DOK6: variants seen among roughly 807,000 people sequenced by gnomAD.
The protein encoded by DOK6 is downstream of tyrosine kinase 6.
In DOK6, 22 loss-of-function variants were observed where a neutral mutation model predicts 44.0. The ratio of observed to expected loss-of-function variants is 0.50; its 90% CI spans 0.36 to 0.71. DOK6 has a LOEUF of 0.71. Ranked by LOEUF, DOK6 falls within the 30% of genes least tolerant of loss-of-function variation. The pLI, the probability that DOK6 is intolerant of heterozygous loss-of-function variation, is 0.00. For synonymous variants in DOK6, 166 were observed against 145.5 expected (o/e 1.14, Z -1.01); for missense variants, 340 against 416.4 (o/e 0.82, Z 1.60).
chr18:69,615,257 G>C (rs1056902150), intron 3 of DOK6, among the ~76,000 whole-genome samples: 1 of 152,194 alleles, frequency 6.6e-6, no homozygotes, highest in Non-Finnish European at 1.5e-5. Flanking sequence ...ATGCTGCTTA[G>C]AGTTACATGG....
intron 3 of DOK6, among the ~76,000 whole-genome samples, chr18:69,644,932 G>T (rs1985033335): frequency 2.0e-5 from 3 of 152,150 alleles, no homozygotes; most frequent in Non-Finnish European, 2.9e-5. Context: ...GAATGCTTTG[G>T]AAGGACCAAT....
At chr18:69,536,400 T>C (rs536295461) in intron 1 of DOK6, among the ~76,000 whole-genome samples, 2 of 152,306 alleles carry the variant, frequency 1.3e-5, no homozygotes, top group East Asian at 3.9e-4. Context: ...AAACATATAT[T>C]GTTAAAACTG....
At chr18:69,791,437 A>C (rs1481695674) in intron 7 of DOK6, among the ~76,000 whole-genome samples, 1 of 152,146 alleles carries the variant, frequency 6.6e-6, no homozygotes, top group Non-Finnish European at 1.5e-5. Flanking sequence ...CCTTTGAATA[A>C]AAGCCATTTT....
At chr18:69,751,942 A>G (rs976042364) in intron 6 of DOK6, among the ~76,000 whole-genome samples, 2 of 152,206 alleles carry the variant, frequency 1.3e-5, no homozygotes, top group East Asian at 1.9e-4. Flanking sequence ...TTACAATTAT[A>G]TAATTTTAGG....
At chr18:69,840,938 G>A (rs1357848030) in intron 7 of DOK6, among the ~76,000 whole-genome samples, 2 of 152,186 alleles carry the variant, frequency 1.3e-5, no homozygotes, top group Non-Finnish European at 2.9e-5. Flanking sequence ...AAAAGTTGAA[G>A]AACAGCAGAA....
At chr18:69,508,062 A>G (rs1489739371) in intron 1 of DOK6, among the ~76,000 whole-genome samples, 1 of 152,106 alleles carries the variant, frequency 6.6e-6, no homozygotes, top group Middle Eastern at 3.2e-3. Context: ...GCTTCCTAGT[A>G]TATTTTTTTC....
In DOK6 at chr18:69,655,898, A is replaced by T. The variant is rs1292296542; in HGVS notation, c.290-21836A>T. Among the ~76,000 whole-genome samples the T allele has an allele frequency of 2.7e-5, 4 of 150,620 alleles. No homozygotes were observed. In the East Asian group the frequency reaches 7.7e-4, roughly 29 times the overall value. On this transcript the variant is annotated intron_variant, in intron 3 of 7. Transcript: ENST00000382713. Reference sequence around the variant, plus strand: ...GAAAGAGTAAGAATGTCCACCATACATCCAACATATGTCTGACAGGATTTG... The same window carrying T: ...GAAAGAGTAAGAATGTCCACCATACTTCCAACATATGTCTGACAGGATTTG...
chr18:69,501,513 C>T (rs1329340675), intron 1 of DOK6, among the ~76,000 whole-genome samples: 1 of 152,138 alleles, frequency 6.6e-6, no homozygotes, highest in Non-Finnish European at 1.5e-5. Flanking sequence ...AGGAAGAGCA[C>T]GTACTGAGAG....
At chr18:69,538,821 T>C (rs1251660324) in intron 1 of DOK6, among the ~76,000 whole-genome samples, 5 of 151,892 alleles carry the variant, frequency 3.3e-5, no homozygotes, top group Non-Finnish European at 5.9e-5. Context: ...ACCTTCCTCC[T>C]CCTCCCTTCT....
chr18:69,531,190 T>G (rs1414520973), intron 1 of DOK6, among the ~76,000 whole-genome samples: 3 of 150,114 alleles, frequency 2.0e-5, no homozygotes, highest in African/African-American at 7.3e-5. Context: ...AGCACACTGA[T>G]GGGTCTTGAC....
chr18:69,420,080 A>T (rs1464816435), intron 1 of DOK6, among the ~76,000 whole-genome samples: 1 of 152,078 alleles, frequency 6.6e-6, no homozygotes. Flanking sequence ...TTTTTTGACA[A>T]TTTTTTTGTG....
intron 2 of DOK6, among the ~76,000 whole-genome samples, chr18:69,565,699 T>G (rs956928254): frequency 6.6e-6 from 1 of 152,102 alleles, no homozygotes; most frequent in East Asian, 1.9e-4. Context: ...TGATATAGAT[T>G]TACTGCCAGA....
In DOK6 at chr18:69,791,943, A is replaced by G. The variant is rs143035140; in HGVS notation, c.856+34070A>G. ...TGGTTTTTGTATATGGTGAGAGATA[A>G]GGATCTAGTTTCATTCTTCTACCTA... On this transcript the variant is annotated intron_variant, in intron 7 of 7. Transcript: ENST00000382713. 5.4e-3 allele frequency among the ~76,000 whole-genome samples: 817 copies of G among 152,188 alleles called. 11 individuals carry two copies. The highest frequency in any genetic ancestry group is 0.019 in the African/African-American group (796 of 41,552).
intron 1 of DOK6, among the ~76,000 whole-genome samples, chr18:69,497,841 T>C (rs1181452982): frequency 6.6e-6 from 1 of 152,112 alleles, no homozygotes; most frequent in Non-Finnish European, 1.5e-5. Flanking sequence ...AAAAAGAATA[T>C]TGGACAGGTA....
chr18:69,748,824 G>T (rs1480936401), intron 6 of DOK6, among the ~76,000 whole-genome samples: 1 of 152,136 alleles, frequency 6.6e-6, no homozygotes, highest in Non-Finnish European at 1.5e-5. Flanking sequence ...CAAAGGAATA[G>T]AAATCATTCT....
chr18:69,807,159 A>G (rs1981073571), intron 7 of DOK6, among the ~76,000 whole-genome samples: 1 of 150,482 alleles, frequency 6.6e-6, no homozygotes, highest in African/African-American at 2.4e-5. Flanking sequence ...TAGAACTGCA[A>G]GTCCTCAGTG....
chr18:69,835,894 A>G (rs1279890595), intron 7 of DOK6, among the ~76,000 whole-genome samples: 5 of 152,246 alleles, frequency 3.3e-5, no homozygotes, highest in African/African-American at 1.2e-4. Context: ...TCTTTTACCA[A>G]TTAATACTGC....
At chr18:69,735,372 TCA>T (rs762692201) in intron 5 of DOK6, among the ~76,000 whole-genome samples, 55 of 152,322 alleles carry the variant, frequency 3.6e-4, no homozygotes, top group Middle Eastern at 3.4e-3. Flanking sequence ...TCTAGAAGAC[TCA>T]CAAGACTCAG....
rs537830155 is a variant in DOK6, at chr18:69,695,503, A to G, written c.410-2901A>G. Among the ~76,000 whole-genome samples the G allele has an allele frequency of 2.2e-4, 34 of 152,350 alleles. 1 individual carries two copies. In the South Asian group the frequency reaches 7.0e-3, roughly 32 times the overall value. On this transcript the variant is annotated intron_variant, in intron 4 of 7. Coordinates refer to ENST00000382713, the MANE Select transcript of DOK6 (RefSeq NM_152721.6). Reference sequence around the variant, plus strand: ...TAATGGAGCCAATTTTAACCACTCCATTTTGAAATGGTCTTTCTAGCAAAG... The same window carrying G: ...TAATGGAGCCAATTTTAACCACTCCGTTTTGAAATGGTCTTTCTAGCAAAG...
Sources: gnomAD v4.1 joint callset for allele counts (sites outside exome capture counted in the v4.1 genomes callset) on GRCh38, gnomAD v4.1.1 for gene constraint, MANE v1.5 for transcripts, NCBI Gene and HGNC (gene_info 2026-07-23, HGNC 2026-07-21) for gene names.